The following PDGFRA variants were observed in gnomAD, a reference collection of about 807,000 sequenced individuals.
The protein encoded by PDGFRA is platelet derived growth factor receptor alpha.
PDGFRA carries 25 observed loss-of-function variants against 121.5 expected under a neutral mutation model. The observed-to-expected ratio is 0.21, with a 90% CI of 0.15 to 0.29. The LOEUF (loss-of-function observed/expected upper bound fraction) is 0.29. PDGFRA is among the 10% of genes least tolerant of loss of function. The probability of loss-of-function intolerance (pLI) is 1.00; values close to 1 mark genes in which losing one functional copy is unlikely to be tolerated. For missense variants in PDGFRA, 1,008 were observed against 1,345.1 expected (o/e 0.75, Z 3.92); for synonymous variants, 463 against 494.8 (o/e 0.94, Z 0.85).
chr4:54,233,849 A>G (rs1252137140), intron 1 of PDGFRA, among the ~76,000 whole-genome samples: 1 of 151,832 alleles, frequency 6.6e-6, no homozygotes, highest in Non-Finnish European at 1.5e-5. Context: ...TGTTTGTTTT[A>G]CGACCCTGCG....
At chr4:54,243,870 C>T (rs890705453) in intron 1 of PDGFRA, among the ~76,000 whole-genome samples, 16 of 152,316 alleles carry the variant, frequency 1.1e-4, no homozygotes, top group South Asian at 6.2e-4. Context: ...CCCAATACTG[C>T]GCTTTTCCGA....
At chr4:54,277,079 G>A (rs2110306799) in intron 12 of PDGFRA, 1 of 429,454 alleles carries the variant, frequency 2.3e-6, no homozygotes, top group Middle Eastern at 6.7e-4. Flanking sequence ...GAAGGCAAGA[G>A]GATCCCAGGG....
At chr4:54,271,744 CA>C in intron 8 of PDGFRA, among the ~76,000 whole-genome samples, 1 of 148,188 alleles carries the variant, frequency 6.7e-6, no homozygotes, top group Non-Finnish European at 1.5e-5. Context: ...CTTCCTCACT[CA>C]CTCTTTTCTT....
At position 54,258,751 on chromosome 4, in the gene PDGFRA, T is replaced by C. The variant is rs764255556; in HGVS notation, c.-12-6T>C. 6.2e-7 allele frequency: 1 copy of C among 1,603,994 alleles called. No individual in the cohort carries two copies. On this transcript the variant is annotated splice_polypyrimidine_tract_variant and splice_region_variant and intron_variant, in intron 1 of 22. Coordinates refer to ENST00000257290, the MANE Select transcript of PDGFRA (RefSeq NM_006206.6). ...TGCTGTTTCTGTTGACTTTTGACTT[T>C]TCTAGTTTCCCAGAGCTATGGGGAC...
At chr4:54,264,130 G>T (rs1722908685) in intron 4 of PDGFRA, 2 of 595,410 alleles carry the variant, frequency 3.4e-6, no homozygotes, top group Non-Finnish European at 5.9e-6. Context: ...GATTACCCAT[G>T]CAAGATTTCA....
Position 54,267,538 on chromosome 4 carries a change from T to A in PDGFRA, c.932-14T>A. 6.2e-7 allele frequency: 1 copy of A among 1,614,052 alleles called. No individual in the cohort carries two copies. The highest frequency in any genetic ancestry group is 1.1e-5 in the South Asian group (1 of 91,078). ...GTGGTAATCATTATTTAATGGAAACTCTTCCCTGTACAGAGAAAGGTTTCA... is the reference window on the plus strand; with the variant it reads ...GTGGTAATCATTATTTAATGGAAACACTTCCCTGTACAGAGAAAGGTTTCA... On this transcript the variant is annotated splice_polypyrimidine_tract_variant and intron_variant, in intron 6 of 22. Coordinates refer to ENST00000257290, the MANE Select transcript of PDGFRA (RefSeq NM_006206.6).
chr4:54,262,680 A>T (rs1722815580), intron 3 of PDGFRA, among the ~76,000 whole-genome samples: 1 of 152,050 alleles, frequency 6.6e-6, no homozygotes, highest in Admixed American at 6.6e-5. Flanking sequence ...TTAACAATTA[A>T]AAAAAACCAA....
chr4:54,294,270 T>TA (rs1296233301), intron 22 of PDGFRA, among the ~76,000 whole-genome samples: 4 of 152,110 alleles, frequency 2.6e-5, no homozygotes, highest in Non-Finnish European at 4.4e-5. Context: ...GCAGTGAATC[T>TA]AGGGCTCTCT....
intron 1 of PDGFRA, among the ~76,000 whole-genome samples, chr4:54,246,457 C>T (rs1721669649): frequency 6.6e-6 from 1 of 152,194 alleles, no homozygotes; most frequent in Non-Finnish European, 1.5e-5. Flanking sequence ...CAACCTGCTC[C>T]TGAATGACTA....
intron 9 of PDGFRA, 43 bp from the exon 10 acceptor site, chr4:54,273,494 C>T: frequency 6.6e-7 from 1 of 1,516,202 alleles, no homozygotes; most frequent in East Asian, 2.3e-5. Context: ...ATTGCCATGA[C>T]TCTCAGGAAT....
rs2110250515 is a variant in PDGFRA at position 54,263,676 on chromosome 4, T to C, written c.377T>C (p.Val126Ala). Residue 126 changes from valine (V) to alanine (A), a missense_variant, in exon 4 of 23, where the codon GTA (valine) becomes GCA (alanine). Val to Ala is a moderately conservative substitution (Grantham distance 64). This residue lies in a region of PDGFRA where 575 missense variants were observed against 701.8 expected (regional missense o/e 0.82). Coordinates refer to ENST00000257290, the MANE Select transcript of PDGFRA (RefSeq NM_006206.6). ...CTTTTTTAAACCACAGACCCAGATGTAGCCTTTGTACCTCTAGGAATGACG... is the reference window on the plus strand; with the variant it reads ...CTTTTTTAAACCACAGACCCAGATGCAGCCTTTGTACCTCTAGGAATGACG... Reference protein sequence around the residue: ...HIYIYVPDPDVAFVPLGMTDY... With the variant: ...HIYIYVPDPDAAFVPLGMTDY... 1 of 1,613,914 alleles carries C rather than the reference T, an allele frequency of 6.2e-7. No homozygotes were observed. Among genetic ancestry groups the C allele is most frequent in the Admixed American group, 1.7e-5 (1 of 60,020 alleles).
At chr4:54,284,798 T>TTGTG (rs111268172) in intron 16 of PDGFRA, among the ~76,000 whole-genome samples, 1 of 26,198 alleles carries the variant, frequency 3.8e-5, no homozygotes, top group African/African-American at 7.1e-5. Context: ...AACTATATCA[T>TTGTG]TGCGTGTGTG....
intron 22 of PDGFRA, among the ~76,000 whole-genome samples, chr4:54,290,928 G>A (rs551954508): frequency 1.3e-5 from 2 of 152,234 alleles, no homozygotes; most frequent in Admixed American, 6.5e-5. Context: ...GAAGAGAGGC[G>A]GGACTGGGTC....
intron 1 of PDGFRA, among the ~76,000 whole-genome samples, chr4:54,233,878 A>C (rs540949392): frequency 9.2e-5 from 14 of 152,214 alleles, no homozygotes; most frequent in Admixed American, 4.6e-4. Flanking sequence ...CAACGGTAAC[A>C]GTCGTTTCCA....
At chr4:54,252,296 A>C (rs1199911155) in intron 1 of PDGFRA, among the ~76,000 whole-genome samples, 1 of 152,144 alleles carries the variant, frequency 6.6e-6, no homozygotes, top group African/African-American at 2.4e-5. Flanking sequence ...AATTGTGCTG[A>C]TTTTGTTTTA....
rs1722524801 is a variant in PDGFRA, at chr4:54,258,854, G to T, written c.49+37G>T. The T allele has an allele frequency of 2.5e-6, 4 of 1,586,126 alleles. No individual in the cohort carries two copies. In the African/African-American group the frequency reaches 5.4e-5, roughly 21 times the overall value. On this transcript the variant is annotated intron_variant, in intron 2 of 22. Transcript: ENST00000257290. ...AGTCCTCTCTGAGTTCCTTGTTTGG[G>T]TGTCTTGTTTTTTTAAGCTTTGTGC...
chr4:54,232,044 G>T (rs758705485), intron 1 of PDGFRA, among the ~76,000 whole-genome samples: 3 of 152,242 alleles, frequency 2.0e-5, no homozygotes, highest in Non-Finnish European at 2.9e-5. Flanking sequence ...GGTGGCCAGC[G>T]CCTTCCTGCA....
At chr4:54,235,839 G>T (rs1212826391) in intron 1 of PDGFRA, among the ~76,000 whole-genome samples, 3 of 152,226 alleles carry the variant, frequency 2.0e-5, no homozygotes, top group Non-Finnish European at 2.9e-5. Context: ...GTCCTTACAA[G>T]AATGCCACAG....
intron 1 of PDGFRA, among the ~76,000 whole-genome samples, chr4:54,241,006 T>C (rs1721267518): frequency 6.6e-6 from 1 of 152,204 alleles, no homozygotes; most frequent in African/African-American, 2.4e-5. Context: ...AATTGGCTTA[T>C]AAATAAAAGA....
Sources: allele counts gnomAD v4.1 joint callset (sites outside exome capture counted in the v4.1 genomes callset), GRCh38; gene constraint gnomAD v4.1.1; regional missense constraint gnomAD v4.1.1; transcripts MANE v1.5; gene names NCBI Gene and HGNC (gene_info 2026-07-23, HGNC 2026-07-21).